The following FOXP2 variants were observed in gnomAD, a reference collection of about 807,000 sequenced individuals.
FOXP2 encodes the protein forkhead box P2, also known as forkhead box protein P2.
FOXP2 carries 12 observed loss-of-function variants against 115.8 expected under a neutral mutation model. That is an observed-to-expected ratio of 0.10 (90% CI 0.07 to 0.17). The LOEUF (loss-of-function observed/expected upper bound fraction) is 0.17. FOXP2 is among the 10% of genes least tolerant of loss of function. The probability of loss-of-function intolerance (pLI) is 1.00; values close to 1 mark genes in which losing one functional copy is unlikely to be tolerated. For missense variants in FOXP2, 629 were observed against 843.5 expected (o/e 0.75, Z 3.15); for synonymous variants, 328 against 297.7 (o/e 1.10, Z -1.05).
intron 2 of FOXP2, among the ~76,000 whole-genome samples, chr7:114,428,444 A>C (rs1009940048): frequency 6.6e-6 from 1 of 151,536 alleles, no homozygotes. Context: ...AACAAGAGTA[A>C]ACACAAAAGT....
intron 16 of FOXP2, among the ~76,000 whole-genome samples, chr7:114,684,954 C>A (rs1808283462): frequency 6.6e-6 from 1 of 151,230 alleles, no homozygotes; most frequent in Non-Finnish European, 1.5e-5. Context: ...GTTCAATGAA[C>A]CATTTATTCA....
At chr7:114,568,221 A>T (rs1407409516) in intron 3 of FOXP2, among the ~76,000 whole-genome samples, 1 of 151,954 alleles carries the variant, frequency 6.6e-6, no homozygotes, top group Non-Finnish European at 1.5e-5. Context: ...TAGATTAATG[A>T]CAGTATCATT....
chr7:114,455,258 C>T (rs1795261459), intron 2 of FOXP2, among the ~76,000 whole-genome samples: 1 of 152,178 alleles, frequency 6.6e-6, no homozygotes, highest in East Asian at 1.9e-4. Flanking sequence ...CAAAAACATC[C>T]ATTTAACTAA....
intron 2 of FOXP2, among the ~76,000 whole-genome samples, chr7:114,376,602 G>C (rs903056818): frequency 2.6e-5 from 4 of 152,176 alleles, no homozygotes; most frequent in African/African-American, 9.7e-5. Flanking sequence ...TCCTGAGAGA[G>C]GTAGACTTCT....
intron 8 of FOXP2, 88 bp from the exon 9 acceptor site, chr7:114,652,115 G>T: frequency 1.7e-6 from 2 of 1,205,784 alleles, no homozygotes; most frequent in South Asian, 1.2e-5. Flanking sequence ...AGAAACATCT[G>T]ACTTCAGTGT....
In FOXP2 at chr7:114,692,020, T is replaced by C; in HGVS notation, c.*2094T>C. ...GTGAGAACGTCACAGTAACTGCTAC[T>C]TTTCATTATGTTTGTCTTTGGGTCA... On this transcript the variant is annotated 3_prime_UTR_variant, in exon 17 of 17. Transcript: ENST00000350908. 2 of 452,814 alleles carry C rather than the reference T, an allele frequency of 4.4e-6. No homozygotes were observed. Among genetic ancestry groups the C allele is most frequent in the South Asian group, 3.1e-5 (2 of 64,160 alleles). The allele number at this position is 452,814 out of a possible 1,614,324, so 28.0% of individuals were successfully genotyped here.
intron 3 of FOXP2, among the ~76,000 whole-genome samples, chr7:114,595,369 G>A (rs111858161): frequency 0.012 from 1,797 of 151,958 alleles, 34 homozygotes; most frequent in African/African-American, 0.041. Flanking sequence ...TCACTTTAAC[G>A]CAGATCTAAG....
chr7:114,381,650 A>C (rs1328454350), intron 2 of FOXP2, among the ~76,000 whole-genome samples: 1 of 152,160 alleles, frequency 6.6e-6, no homozygotes, highest in African/African-American at 2.4e-5. Context: ...CAGAGTATAA[A>C]GGTTAGGTAC....
chr7:114,598,882 C>A (rs1280171876), intron 3 of FOXP2, among the ~76,000 whole-genome samples: 1 of 152,090 alleles, frequency 6.6e-6, no homozygotes, highest in East Asian at 1.9e-4. Flanking sequence ...ACCAGCATCT[C>A]TCTCTCTCAC....
intron 1 of FOXP2, among the ~76,000 whole-genome samples, chr7:114,093,586 T>C (rs1036143981): frequency 6.6e-5 from 10 of 152,092 alleles, no homozygotes; most frequent in African/African-American, 2.2e-4. Flanking sequence ...AAGAAGTTAC[T>C]TCCATCTATA....
intron 2 of FOXP2, among the ~76,000 whole-genome samples, chr7:114,522,875 T>C (rs946991258): frequency 1.3e-5 from 2 of 152,086 alleles, no homozygotes; most frequent in Admixed American, 6.6e-5. Flanking sequence ...CCAAGATCTG[T>C]AAAATGTATC....
chr7:114,247,915 A>C (rs1795331088), intron 1 of FOXP2, among the ~76,000 whole-genome samples: 1 of 152,162 alleles, frequency 6.6e-6, no homozygotes, highest in Non-Finnish European at 1.5e-5. Context: ...GTGCATGCGG[A>C]TGTGCAGACA....
intron 2 of FOXP2, chr7:114,499,517 T>G (rs1358096900): frequency 6.6e-6 from 1 of 152,182 alleles, no homozygotes; most frequent in Non-Finnish European, 1.5e-5. Context: ...CTGTTAGGAA[T>G]AGTTCTGTTT....
At chr7:114,383,358 C>T (rs940977408) in intron 2 of FOXP2, among the ~76,000 whole-genome samples, 1 of 152,072 alleles carries the variant, frequency 6.6e-6, no homozygotes, top group African/African-American at 2.4e-5. Context: ...AACATTGGCA[C>T]TCTTTGATTT....
At chr7:114,175,761 T>A (rs1168340694) in intron 1 of FOXP2, among the ~76,000 whole-genome samples, 1 of 152,180 alleles carries the variant, frequency 6.6e-6, no homozygotes, top group Admixed American at 6.5e-5. Flanking sequence ...TGGGTAAGAA[T>A]GTATTTCATT....
chr7:114,550,551 G>A (rs1161931776), intron 3 of FOXP2, among the ~76,000 whole-genome samples: 1 of 152,040 alleles, frequency 6.6e-6, no homozygotes, highest in Non-Finnish European at 1.5e-5. Flanking sequence ...TGGTCTTCAA[G>A]CTCCATATTG....
At chr7:114,644,841 A>AT in intron 8 of FOXP2, 52 bp downstream of exon 8, 2 of 1,286,690 alleles carry the variant, frequency 1.6e-6, no homozygotes, top group Non-Finnish European at 2.3e-6. Flanking sequence ...TTATATGGGC[A>AT]TTTTAGGCAC....
At chr7:114,568,436 G>A (rs1801128888) in intron 3 of FOXP2, among the ~76,000 whole-genome samples, 1 of 150,056 alleles carries the variant, frequency 6.7e-6, no homozygotes, top group Non-Finnish European at 1.5e-5. Flanking sequence ...TTTTTTTTGG[G>A]GGGGGGTTAT....
At chr7:114,663,690 G>C (rs1209252403) in intron 15 of FOXP2, among the ~76,000 whole-genome samples, 171 bp downstream of exon 15, 1 of 149,646 alleles carries the variant, frequency 6.7e-6, no homozygotes, top group Admixed American at 6.8e-5. Context: ...AGCTACTTTT[G>C]ATGTGAAGAA....
Sources: gnomAD v4.1 joint callset for allele counts (sites outside exome capture counted in the v4.1 genomes callset) on GRCh38, gnomAD v4.1.1 for gene constraint, MANE v1.5 for transcripts, NCBI Gene and HGNC (gene_info 2026-07-23, HGNC 2026-07-21) for gene names.